SEMA6D: variants seen among roughly 807,000 people sequenced by gnomAD.
SEMA6D encodes the protein semaphorin 6D.
A neutral mutation model predicts 106.6 loss-of-function variants in SEMA6D; 35 were observed. That is an observed-to-expected ratio of 0.33 (90% confidence interval 0.25 to 0.44). The LOEUF (loss-of-function observed/expected upper bound fraction) is 0.44, where lower values mean the gene tolerates loss of function less well. Among genes scored for constraint, SEMA6D ranks in the 20% least tolerant of loss-of-function variants. SEMA6D has a pLI of 1.00. For missense variants in SEMA6D, 1,185 were observed against 1,345.9 expected, an observed-to-expected ratio of 0.88 and a Z score of 1.87; for synonymous variants, 499 against 487.7, an observed-to-expected ratio of 1.02 and a Z score of -0.31.
intron 1 of SEMA6D, among the ~76,000 whole-genome samples, chr15:47,248,041 A>G (rs965023284): frequency 6.6e-6 from 1 of 152,198 alleles, no homozygotes; most frequent in African/African-American, 2.4e-5. Context: ...CAGTAATGAC[A>G]TTACTCCAAA....
chr15:47,629,118 A>C (rs185439460), intron 4 of SEMA6D, among the ~76,000 whole-genome samples: 1 of 151,922 alleles, frequency 6.6e-6, no homozygotes, highest in East Asian at 1.9e-4. Flanking sequence ...AATACCACAC[A>C]CTCTTGATTA....
intron 2 of SEMA6D, among the ~76,000 whole-genome samples, chr15:47,428,181 T>C (rs1008072542): frequency 1.3e-5 from 2 of 152,172 alleles, no homozygotes; most frequent in East Asian, 1.9e-4. Flanking sequence ...CATATTGCAA[T>C]AGAGGCAAAG....
chr15:47,688,933 C>T (rs1394134139), intron 4 of SEMA6D, among the ~76,000 whole-genome samples: 1 of 152,186 alleles, frequency 6.6e-6, no homozygotes, highest in Non-Finnish European at 1.5e-5. Flanking sequence ...GGAAATGACT[C>T]ATGGGCCATC....
intron 3 of SEMA6D, among the ~76,000 whole-genome samples, chr15:47,513,551 C>G (rs2044296079): frequency 6.6e-6 from 1 of 152,098 alleles, no homozygotes; most frequent in South Asian, 2.1e-4. Context: ...CAGTCGAAAG[C>G]AATCTAAACT....
intron 1 of SEMA6D, among the ~76,000 whole-genome samples, chr15:47,263,981 G>A (rs776894313): frequency 2.6e-5 from 4 of 151,522 alleles, no homozygotes; most frequent in Non-Finnish European, 4.4e-5. Context: ...TAAAGAATAT[G>A]TCATACAACC....
At chr15:47,757,931 G>A (rs997910339) in intron 1 of SEMA6D, among the ~76,000 whole-genome samples, 1 of 152,128 alleles carries the variant, frequency 6.6e-6, no homozygotes, top group Non-Finnish European at 1.5e-5. Flanking sequence ...ATATTTTACA[G>A]ATAAAGAAAC....
chr15:47,239,577 T>C (rs2032776623), intron 1 of SEMA6D, among the ~76,000 whole-genome samples: 1 of 152,146 alleles, frequency 6.6e-6, no homozygotes, highest in South Asian at 2.1e-4. Flanking sequence ...CTGGAAAGAA[T>C]ATGGGCTTCG....
intron 1 of SEMA6D, among the ~76,000 whole-genome samples, chr15:47,218,311 G>A (rs1392469470): frequency 6.6e-6 from 1 of 151,998 alleles, no homozygotes; most frequent in Non-Finnish European, 1.5e-5. Context: ...CTCTTCTCCT[G>A]GTCTTCATTT....
intron 1 of SEMA6D, among the ~76,000 whole-genome samples, chr15:47,208,339 G>C (rs955845976): frequency 6.6e-6 from 1 of 152,092 alleles, no homozygotes; most frequent in African/African-American, 2.4e-5. Flanking sequence ...TTTATGCTTA[G>C]AGTCTTAGGA....
At chr15:47,746,650 T>C (rs960156471) in intron 1 of SEMA6D, among the ~76,000 whole-genome samples, 2 of 152,122 alleles carry the variant, frequency 1.3e-5, no homozygotes, top group Non-Finnish European at 1.5e-5. Flanking sequence ...GGCCCTAATA[T>C]CCTGAACAGA....
chr15:47,660,613 T>C (rs140656323), intron 4 of SEMA6D, among the ~76,000 whole-genome samples: 2 of 152,306 alleles, frequency 1.3e-5, no homozygotes, highest in Admixed American at 6.5e-5. Context: ...TCTTGGGAAA[T>C]CTTACTTTCT....
At chr15:47,579,976 C>T (rs991462989) in intron 3 of SEMA6D, among the ~76,000 whole-genome samples, 1 of 152,142 alleles carries the variant, frequency 6.6e-6, no homozygotes, top group African/African-American at 2.4e-5. Context: ...CATTCCTGAG[C>T]TCTTTGGGGA....
intron 2 of SEMA6D, among the ~76,000 whole-genome samples, chr15:47,428,191 G>C (rs2041407485): frequency 6.6e-6 from 1 of 152,004 alleles, no homozygotes; most frequent in African/African-American, 2.4e-5. Flanking sequence ...TAGAGGCAAA[G>C]ATAAATAAAT....
chr15:47,302,719 G>A (rs576607043), intron 1 of SEMA6D, among the ~76,000 whole-genome samples: 1 of 152,296 alleles, frequency 6.6e-6, no homozygotes, highest in East Asian at 1.9e-4. Flanking sequence ...GAAGATGAAG[G>A]AAGAAGGCAA....
At chr15:47,681,807 A>G (rs772490109) in intron 4 of SEMA6D, among the ~76,000 whole-genome samples, 7 of 152,188 alleles carry the variant, frequency 4.6e-5, no homozygotes, top group Non-Finnish European at 8.8e-5. Context: ...TAAAAAGTAG[A>G]TGTATTGTTG....
intron 1 of SEMA6D, among the ~76,000 whole-genome samples, chr15:47,343,511 G>GT (rs1361656283): frequency 6.6e-6 from 1 of 151,684 alleles, no homozygotes; most frequent in Non-Finnish European, 1.5e-5. Context: ...GCAGTGTTTG[G>GT]TTTTTTGTCC....
intron 1 of SEMA6D, among the ~76,000 whole-genome samples, chr15:47,304,783 C>T (rs1440589972): frequency 6.6e-6 from 1 of 152,122 alleles, no homozygotes; most frequent in Non-Finnish European, 1.5e-5. Context: ...ATCTGAGCTA[C>T]CACCTCACAT....
At position 47,261,868 on chromosome 15, in the gene SEMA6D, G is replaced by A. The variant is rs948561001; in HGVS notation, c.-239+77450G>A. Among the ~76,000 whole-genome samples the A allele has an allele frequency of 7.2e-5, 11 of 152,014 alleles. 1 individual carries two copies. Among genetic ancestry groups the A allele is most frequent in the Admixed American group, 3.3e-4 (5 of 15,236 alleles). ...CAGTATTTCATTCCTTTTTATGGCT[G>A]AATAATTTTTCATTATATGAATATA... On this transcript the variant is annotated intron_variant, in intron 1 of 19. Transcript: ENST00000558014.
chr15:47,370,244 G>A (rs1055857411), intron 1 of SEMA6D, among the ~76,000 whole-genome samples: 3 of 152,168 alleles, frequency 2.0e-5, no homozygotes, highest in African/African-American at 7.2e-5. Flanking sequence ...GTAGTGATCT[G>A]TGGTTCACAC....
Sources: gnomAD v4.1 joint callset for allele counts (sites outside exome capture counted in the v4.1 genomes callset) on GRCh38, gnomAD v4.1.1 for gene constraint, MANE v1.5 for transcripts, NCBI Gene and HGNC (gene_info 2026-07-23, HGNC 2026-07-21) for gene names.